The following IL17A variants were observed in gnomAD, a reference collection of about 807,000 sequenced individuals.
IL17A encodes the protein interleukin 17A.
In IL17A, 1 loss-of-function variant was observed where a neutral mutation model predicts 7.2. The ratio of observed to expected loss-of-function variants is 0.14; its 90% CI spans 0.05 to 0.66. The LOEUF (loss-of-function observed/expected upper bound fraction) is 0.66. Ranked by LOEUF, IL17A falls within the 30% of genes least tolerant of loss-of-function variation. IL17A has a pLI of 0.84. For synonymous variants in IL17A, 90 were observed against 77.7 expected, an observed-to-expected ratio of 1.16 and a Z score of -0.83; for missense variants, 191 against 197.1, an observed-to-expected ratio of 0.97 and a Z score of 0.18.
Position 52,187,695 on chromosome 6 carries a change from C to G in IL17A, c.120C>G (p.Asn40Lys). 6.2e-7 allele frequency: 1 copy of G among 1,614,038 alleles called. No homozygotes were observed. Among genetic ancestry groups the G allele is most frequent in the East Asian group, 2.2e-5 (1 of 44,876 alleles). ...NPGCPNSEDK[N>K]FPRTVMVNLN... ...GATGCCCAAATTCTGAGGACAAGAA[C>G]TTCCCCCGGACTGTGATGGTCAACC... Residue 40 changes from asparagine (N) to lysine (K), a missense_variant, in exon 2 of 3, where the codon AAC (asparagine) becomes AAG (lysine). By Grantham distance (94) the Asn-to-Lys change is moderately conservative. Coordinates refer to ENST00000648244, the MANE Select transcript of IL17A (RefSeq NM_002190.3).
Position 52,189,505 on chromosome 6 carries a change from A to T in IL17A, c.*213A>T. 1 of 483,158 alleles carries T rather than the reference A, an allele frequency of 2.1e-6. No individual in the cohort carries two copies. Among genetic ancestry groups the T allele is most frequent in the Non-Finnish European group, 3.6e-6 (1 of 275,344 alleles). 29.9% of individuals were successfully genotyped at this position (483,158 alleles called of 1,614,324 possible). A position where few individuals can be genotyped will look rare whatever the true frequency, so the allele number is the denominator to read the frequency against. On this transcript the variant is annotated 3_prime_UTR_variant, in exon 3 of 3. Coordinates refer to ENST00000648244, the MANE Select transcript of IL17A (RefSeq NM_002190.3). ...CCCTCTTTCCAAGAAGGAAGGTTTG[A>T]CTGAGTACCAATTTGCTTCTTGTTT...
rs757736597 is a variant in IL17A at position 52,187,663 on chromosome 6, A to T, written c.88A>T (p.Asn30Tyr). The change falls in exon 2 of 3, where the codon AAT (asparagine) becomes TAT (tyrosine). Residue 30 changes from asparagine to tyrosine, a missense_variant. Physicochemically the swap from Asn to Tyr is moderately radical, Grantham distance 143. Coordinates refer to ENST00000648244, the MANE Select transcript of IL17A (RefSeq NM_002190.3). ...GAAGGCAGGAATCACAATCCCACGAAATCCAGGATGCCCAAATTCTGAGGA... is the reference window on the plus strand; with the variant it reads ...GAAGGCAGGAATCACAATCCCACGATATCCAGGATGCCCAAATTCTGAGGA... Reference protein sequence around the residue: ...IVKAGITIPRNPGCPNSEDKN... With the variant: ...IVKAGITIPRYPGCPNSEDKN... The T allele has an allele frequency of 6.2e-7, 1 of 1,614,112 alleles. No individual in the cohort carries two copies. Among genetic ancestry groups the T allele is most frequent in the Non-Finnish European group, 8.5e-7 (1 of 1,179,988 alleles).
At chr6:52,188,934 G>T in intron 2 of IL17A, 121 bp from the exon 3 acceptor site, 1 of 637,168 alleles carries the variant, frequency 1.6e-6, no homozygotes. Context: ...ATCATTTAAA[G>T]AATTTGCAAT....
intron 1 of IL17A, among the ~76,000 whole-genome samples, chr6:52,187,254 C>T (rs1763301314): frequency 1.3e-5 from 2 of 152,280 alleles, no homozygotes; most frequent in Admixed American, 6.5e-5. Flanking sequence ...GGTTATTATT[C>T]CTTCCCAGAC....
In IL17A at chr6:52,189,373, A is replaced by C. The variant is rs902141429; in HGVS notation, c.*81A>C. The C allele has an allele frequency of 6.9e-6, 7 of 1,019,026 alleles. No individual in the cohort carries two copies. In the African/African-American group the frequency reaches 1.1e-4, roughly 16 times the overall value. 63.1% of individuals were successfully genotyped at this position (1,019,026 alleles called of 1,614,324 possible). ...GCCCCTCAGGAACCCTCATCCTTCA[A>C]AGACAGCCTCATTTCGGACTAAACT... On this transcript the variant is annotated 3_prime_UTR_variant, in exon 3 of 3. Transcript: ENST00000648244.
chr6:52,189,083 T>G lies in IL17A; in HGVS notation c.259T>G (p.Ser87Ala), dbSNP rs372751013. Residue 87 changes from serine (S) to alanine (A), a missense_variant, in exon 3 of 3, where the codon TCT (serine) becomes GCT (alanine). By Grantham distance (99) the Ser-to-Ala change is moderately conservative. Coordinates refer to ENST00000648244, the MANE Select transcript of IL17A (RefSeq NM_002190.3). ...CAATGAGGACCCTGAGAGATATCCC[T>G]CTGTGATCTGGGAGGCAAAGTGCCG... ...HRNEDPERYPSVIWEAKCRHL... is the reference protein window; with the variant it reads ...HRNEDPERYPAVIWEAKCRHL... The G allele has an allele frequency of 4.3e-6, 7 of 1,613,984 alleles. No individual in the cohort carries two copies. Among genetic ancestry groups the G allele is most frequent in the Non-Finnish European group, 5.1e-6 (6 of 1,179,978 alleles).
intron 1 of IL17A, among the ~76,000 whole-genome samples, chr6:52,186,869 G>A (rs181083392): frequency 1.8e-4 from 28 of 152,170 alleles, no homozygotes; most frequent in Middle Eastern, 3.4e-3. Context: ...CCATTATCTC[G>A]TACCATATTC....
In IL17A at chr6:52,187,787, C is replaced by T. The variant is rs138238811; in HGVS notation, c.212C>T (p.Thr71Ile). 170 of 1,613,918 alleles carry T rather than the reference C, an allele frequency of 1.1e-4. No individual in the cohort carries two copies. The highest frequency in any genetic ancestry group is 1.4e-4 in the Non-Finnish European group (162 of 1,179,778). The change falls in exon 2 of 3, where the codon ACC becomes ATC. Residue 71 changes from threonine (T) to isoleucine (I), a missense_variant. Physicochemically the swap from Thr to Ile is moderately conservative, Grantham distance 89. Transcript: ENST00000648244. ...KRSSDYYNRS[T>I]SPWNLHRNED... ...TCCTCAGATTACTACAACCGATCCA[C>T]CTCACCTTGGAATCTCCAGTACGTA...
Position 52,189,520 on chromosome 6 carries a change from G to A in IL17A, c.*228G>A. ...GGAAGGTTTGACTGAGTACCAATTT[G>A]CTTCTTGTTTACTTTTTTAAGGGCT... is the stretch of plus-strand genomic sequence containing the variant. On this transcript the variant is annotated 3_prime_UTR_variant, in exon 3 of 3. Coordinates refer to ENST00000648244, the MANE Select transcript of IL17A (RefSeq NM_002190.3). 4 of 440,812 alleles carry A rather than the reference G, an allele frequency of 9.1e-6. No homozygotes were observed. Among genetic ancestry groups the A allele is most frequent in the Non-Finnish European group, 1.6e-5 (4 of 250,890 alleles). 27.3% of individuals were successfully genotyped at this position (440,812 alleles called of 1,614,324 possible).
chr6:52,187,055 T>C (rs1582237236), intron 1 of IL17A, among the ~76,000 whole-genome samples: 1 of 152,162 alleles, frequency 6.6e-6, no homozygotes, highest in Non-Finnish European at 1.5e-5. Context: ...TAAGAAAACA[T>C]GAAGGAGATC....
Position 52,186,457 on chromosome 6 carries a change from T to C in IL17A, c.26T>C (p.Val9Ala), listed in dbSNP as rs1394860452. Residue 9 changes from valine to alanine, a missense_variant and splice_region_variant, in exon 1 of 3, where the codon GTG becomes GCG. By Grantham distance (64) the Val-to-Ala change is moderately conservative. Coordinates refer to ENST00000648244, the MANE Select transcript of IL17A (RefSeq NM_002190.3). The stretch of plus-strand genomic sequence containing the variant: ...ATGACTCCTGGGAAGACCTCATTGG[T>C]GGTGAGTCCTGCACTAACGTGCGAT... MTPGKTSL[V>A]SLLLLLSLEA... 1.9e-6 allele frequency: 3 copies of C among 1,613,778 alleles called. No homozygotes were observed. The African/African-American group carries it at 4.0e-5, about 22-fold the overall frequency.
At chr6:52,188,866 A>T (rs1227528152) in intron 2 of IL17A, among the ~76,000 whole-genome samples, 189 bp from the exon 3 acceptor site, 3 of 151,282 alleles carry the variant, frequency 2.0e-5, no homozygotes, top group African/African-American at 7.3e-5. Context: ...TTTCTATAAC[A>T]ATTCACGTGC....
Position 52,187,803 on chromosome 6 carries a change from C to A in IL17A, c.228C>A (p.Leu76=), listed in dbSNP as rs1325520745. The change falls in exon 2 of 3, where the codon CTC becomes CTA. Residue 76 remains leucine (L), a splice_region_variant and synonymous_variant. Transcript: ENST00000648244. ...ACCGATCCACCTCACCTTGGAATCT[C>A]CAGTACGTAAAGCTTCCAGATAAAA... ...YYNRSTSPWN[L]HRNEDPERYP... 1.2e-6 allele frequency: 2 copies of A among 1,612,176 alleles called. No homozygotes were observed. The highest frequency in any genetic ancestry group is 2.7e-5 in the African/African-American group (2 of 75,010).
rs767695440 is a variant in IL17A at position 52,187,706 on chromosome 6, C to T, written c.131C>T (p.Thr44Ile). 6.2e-7 allele frequency: 1 copy of T among 1,614,066 alleles called. No individual in the cohort carries two copies. Among genetic ancestry groups the T allele is most frequent in the South Asian group, 1.1e-5 (1 of 91,080 alleles). ...TCTGAGGACAAGAACTTCCCCCGGA[C>T]TGTGATGGTCAACCTGAACATCCAT... The part of the protein sequence containing the change: ...PNSEDKNFPR[T>I]VMVNLNIHNR... Residue 44 changes from threonine (T) to isoleucine (I), a missense_variant, in exon 2 of 3, where the codon ACT becomes ATT. Physicochemically the swap from Thr to Ile is moderately conservative, Grantham distance 89. Coordinates refer to ENST00000648244, the MANE Select transcript of IL17A (RefSeq NM_002190.3).
Position 52,189,711 on chromosome 6 carries a change from T to C in IL17A, c.*419T>C, listed in dbSNP as rs1176135727. Reference sequence around the variant, plus strand: ...AAAACCTGTATTTATTTGAGCTATTTAAGGATCTATTTATGTTTAAGTATT... The same window carrying C: ...AAAACCTGTATTTATTTGAGCTATTCAAGGATCTATTTATGTTTAAGTATT... On this transcript the variant is annotated 3_prime_UTR_variant, in exon 3 of 3. Coordinates refer to ENST00000648244, the MANE Select transcript of IL17A (RefSeq NM_002190.3). The C allele has an allele frequency of 6.4e-6, 1 of 157,220 alleles. No homozygotes were observed. The highest frequency in any genetic ancestry group is 2.4e-5 in the African/African-American group (1 of 41,518). The allele number at this position is 157,220 out of a possible 1,614,324, so 9.7% of individuals were successfully genotyped here.
At chr6:52,188,969 C>G in intron 2 of IL17A, 86 bp from the exon 3 acceptor site, 1 of 964,576 alleles carries the variant, frequency 1.0e-6, no homozygotes, top group East Asian at 2.5e-5. Flanking sequence ...ATCCTGTGAA[C>G]TTGCCTCTCT....
At position 52,187,772 on chromosome 6, in the gene IL17A, A is replaced by G. The variant is rs148704956; in HGVS notation, c.197A>G (p.Tyr66Cys). 41 of 1,614,022 alleles carry G rather than the reference A, an allele frequency of 2.5e-5. No homozygotes were observed. Among genetic ancestry groups the G allele is most frequent in the Non-Finnish European group, 3.1e-5 (37 of 1,179,974 alleles). ...ACCAATCCCAAAAGGTCCTCAGATTACTACAACCGATCCACCTCACCTTGG... is the reference window on the plus strand; with the variant it reads ...ACCAATCCCAAAAGGTCCTCAGATTGCTACAACCGATCCACCTCACCTTGG... ...TNTNPKRSSD[Y>C]YNRSTSPWNL... is the part of the protein sequence containing the mutation. Residue 66 changes from tyrosine (Y) to cysteine (C), a missense_variant, in exon 2 of 3, where the codon TAC (tyrosine) becomes TGC (cysteine). Coordinates refer to ENST00000648244, the MANE Select transcript of IL17A (RefSeq NM_002190.3).
Position 52,189,117 on chromosome 6 carries a change from G to A in IL17A, c.293G>A (p.Gly98Asp). 1 of 1,614,126 alleles carries A rather than the reference G, an allele frequency of 6.2e-7. No individual in the cohort carries two copies. The highest frequency in any genetic ancestry group is 8.5e-7 in the Non-Finnish European group (1 of 1,179,994). ...VIWEAKCRHL[G>D]CINADGNVDY... ...TGGGAGGCAAAGTGCCGCCACTTGG[G>A]CTGCATCAACGCTGATGGGAACGTG... is the stretch of plus-strand genomic sequence containing the variant. The change falls in exon 3 of 3, where the codon GGC becomes GAC. Residue 98 changes from glycine (G) to aspartate (D), a missense_variant. By Grantham distance (94) the Gly-to-Asp change is moderately conservative. Coordinates refer to ENST00000648244, the MANE Select transcript of IL17A (RefSeq NM_002190.3).
Position 52,186,392 on chromosome 6 carries a change from C to A in IL17A, c.-40C>A, listed in dbSNP as rs781660057. The A allele has an allele frequency of 6.2e-7, 1 of 1,610,468 alleles. No homozygotes were observed. The highest frequency in any genetic ancestry group is 8.5e-7 in the Non-Finnish European group (1 of 1,176,766). On this transcript the variant is annotated 5_prime_UTR_variant, in exon 1 of 3. Transcript: ENST00000648244. ...TACATTTTGTCCATCTCATAGCAGG[C>A]ACAAACTCATCCATCCCCAGTTGAT...
Sources: gnomAD v4.1 joint callset for allele counts (sites outside exome capture counted in the v4.1 genomes callset) on GRCh38, gnomAD v4.1.1 for gene constraint, MANE v1.5 for transcripts, NCBI Gene and HGNC (gene_info 2026-07-23, HGNC 2026-07-21) for gene names.